The following ADH7 variants were observed in gnomAD, a reference collection of about 807,000 sequenced individuals.
The protein encoded by ADH7 is alcohol dehydrogenase 7 (class IV), mu or sigma polypeptide, also known as all-trans-retinol dehydrogenase [NAD(+)] ADH7.
ADH7 carries 41 observed loss-of-function variants against 34.4 expected under a neutral mutation model. The observed-to-expected ratio is 1.19, with a 90% CI of 0.93 to 1.55. ADH7 has a LOEUF of 1.55. ADH7 is among the 40% of genes most tolerant of loss of function. The pLI, the probability that ADH7 is intolerant of heterozygous loss-of-function variation, is 0.00. For missense variants in ADH7, 540 were observed against 461.2 expected, an observed-to-expected ratio of 1.17 and a Z score of -1.56; for synonymous variants, 180 against 160.9, an observed-to-expected ratio of 1.12 and a Z score of -0.90.
intron 5 of ADH7, among the ~76,000 whole-genome samples, chr4:99,425,008 G>A (rs1215440745): frequency 1.3e-5 from 2 of 151,988 alleles, no homozygotes; most frequent in Non-Finnish European, 2.9e-5. Flanking sequence ...CATTGGCTGT[G>A]GATTTGTCAT....
Position 99,429,582 on chromosome 4 carries a change from T to C in ADH7, c.70A>G (p.Ile24Val), listed in dbSNP as rs1164490883. ...VLWEQKQPFS[I>V]EEIEVAPPKT... is the part of the protein sequence containing the mutation. The stretch of plus-strand genomic sequence containing the variant: ...GGTGGGGCAACTTCTATTTCCTCAA[T>C]GGAGAAGGGTTGCTTCTGCTCCCAA... Residue 24 changes from isoleucine to valine, a missense_variant, in exon 2 of 9, where the codon ATT becomes GTT. Coordinates refer to ENST00000437033, the MANE Select transcript of ADH7 (RefSeq NM_000673.7). 5 of 1,612,430 alleles carry C rather than the reference T, an allele frequency of 3.1e-6. No homozygotes were observed. Among genetic ancestry groups the C allele is most frequent in the African/African-American group, 1.3e-5 (1 of 74,906 alleles).
chr4:99,434,934 C>G (rs772138720), intron 1 of ADH7: 2 of 1,167,004 alleles, frequency 1.7e-6, no homozygotes, highest in Non-Finnish European at 2.4e-6. Flanking sequence ...CCCAGCTATC[C>G]GGAAATCAAA....
chr4:99,418,908 AG>A, intron 7 of ADH7, 77 bp downstream of exon 7: 1 of 1,531,348 alleles, frequency 6.5e-7, no homozygotes, highest in South Asian at 1.2e-5. Context: ...GAAAGGCCTG[AG>A]GAAACAGGCT....
intron 8 of ADH7, 43 bp from the exon 9 acceptor site, chr4:99,413,215 C>A (rs952501688): frequency 3.7e-6 from 6 of 1,603,844 alleles, no homozygotes; most frequent in African/African-American, 2.7e-5. Context: ...GTTTTCATAT[C>A]TTTCAAGAAA....
intron 1 of ADH7, among the ~76,000 whole-genome samples, chr4:99,431,216 G>A (rs1038746976): frequency 6.6e-6 from 1 of 152,212 alleles, no homozygotes; most frequent in Admixed American, 6.5e-5. Flanking sequence ...CAAAGGACAA[G>A]CCATGGGGAA....
At position 99,429,621 on chromosome 4, in the gene ADH7, T is replaced by A. The variant is rs775637839; in HGVS notation, c.31A>T (p.Lys11Ter). Residue 11 changes from lysine to a stop codon, truncating the protein, a stop_gained, in exon 2 of 9, where the codon AAA becomes TAA. Coordinates refer to ENST00000437033, the MANE Select transcript of ADH7 (RefSeq NM_000673.7). LOFTEE classifies it high-confidence loss of function. Reference protein sequence around the residue: MGTAGKVIKCKAAVLWEQKQP... With the variant: MGTAGKVIKC ...TTCTGCTCCCAAAGCACAGCTGCTT[T>A]GCATTTAATAACCTAAGAAATAGGC... 6 of 1,609,114 alleles carry A rather than the reference T, an allele frequency of 3.7e-6. No homozygotes were observed. Among genetic ancestry groups the A allele is most frequent in the Non-Finnish European group, 5.1e-6 (6 of 1,177,242 alleles).
Position 99,427,970 on chromosome 4 carries a change from G to C in ADH7, c.367C>G (p.Leu123Val), listed in dbSNP as rs1441736095. 4 of 1,613,818 alleles carry C rather than the reference G, an allele frequency of 2.5e-6. No homozygotes were observed. The East Asian group carries it at 8.9e-5, about 36-fold the overall frequency. The change falls in exon 5 of 9, where the codon CTG becomes GTG. Residue 123 changes from leucine to valine, a missense_variant. Physicochemically the swap from Leu to Val is conservative, Grantham distance 32. Transcript: ENST00000437033. ...GTAAATCTGGTGGTGCCATCAGCCA[G>C]TACTCCACGACCAGTAATACTGTTT... The part of the protein sequence containing the change: ...IRSDITGRGV[L>V]ADGTTRFTCK...
At position 99,428,105 on chromosome 4, in the gene ADH7, T is replaced by A; in HGVS notation, c.329A>T (p.Asn110Ile). 6.2e-7 allele frequency: 1 copy of A among 1,613,960 alleles called. No individual in the cohort carries two copies. The highest frequency in any genetic ancestry group is 8.5e-7 in the Non-Finnish European group (1 of 1,179,894). ...AACCTACTCGCTCCTAATGCAAAGG[T>A]TGCCATCTGGGTTGCGACAAGCATT... Reference protein sequence around the residue: ...ECNACRNPDGNLCIRSDITGR... With the variant: ...ECNACRNPDGILCIRSDITGR... Residue 110 changes from asparagine (N) to isoleucine (I), a missense_variant, in exon 4 of 9, where the codon AAC (asparagine) becomes ATC (isoleucine). By Grantham distance (149) the Asn-to-Ile change is moderately radical. Transcript: ENST00000437033.
chr4:99,418,627 A>T (rs894897031), intron 7 of ADH7, among the ~76,000 whole-genome samples: 8 of 152,114 alleles, frequency 5.3e-5, no homozygotes, highest in African/African-American at 1.9e-4. Flanking sequence ...TGTTGGTGCT[A>T]TTATGAATCG....
chr4:99,413,029 A>T lies in ADH7; in HGVS notation c.*119T>A. 1.8e-6 allele frequency: 2 copies of T among 1,099,170 alleles called. No individual in the cohort carries two copies. The highest frequency in any genetic ancestry group is 2.7e-6 in the Non-Finnish European group (2 of 737,122). 68.1% of individuals were successfully genotyped at this position (1,099,170 alleles called of 1,614,324 possible). A position where few individuals can be genotyped will look rare whatever the true frequency, so the allele number is the denominator to read the frequency against. On this transcript the variant is annotated 3_prime_UTR_variant, in exon 9 of 9. Transcript: ENST00000437033. Reference sequence around the variant, plus strand: ...TTCTTTATAAGGGTTCTATGTCTTCAACAAATCTTCTACTTATGCTTGTAT... The same window carrying T: ...TTCTTTATAAGGGTTCTATGTCTTCTACAAATCTTCTACTTATGCTTGTAT...
intron 1 of ADH7, among the ~76,000 whole-genome samples, chr4:99,431,131 A>C (rs1721930308): frequency 6.6e-6 from 1 of 152,182 alleles, no homozygotes; most frequent in South Asian, 2.1e-4. Flanking sequence ...CTATTTTATC[A>C]ATCAGTGAAG....
Position 99,419,081 on chromosome 4 carries a change from C to A in ADH7, c.866G>T (p.Ser289Ile). Residue 289 changes from serine to isoleucine, a missense_variant, in exon 7 of 9, where the codon AGC becomes ATC. Coordinates refer to ENST00000437033, the MANE Select transcript of ADH7 (RefSeq NM_000673.7). ...TGATGGAGGAACTCCTACAACCACG[C>A]TGGTCCCATAGTTCATGTGGCAGGA... ...LASCHMNYGT[S>I]VVVGVPPSAK... 6.2e-7 allele frequency: 1 copy of A among 1,613,826 alleles called. No individual in the cohort carries two copies. The highest frequency in any genetic ancestry group is 8.5e-7 in the Non-Finnish European group (1 of 1,179,858).
chr4:99,428,967 C>A (rs1359704238), intron 2 of ADH7, among the ~76,000 whole-genome samples: 2 of 152,112 alleles, frequency 1.3e-5, no homozygotes, highest in Non-Finnish European at 2.9e-5. Context: ...GCTCTCTTAA[C>A]AAAGAACAGA....
chr4:99,418,867 A>T, intron 7 of ADH7, 119 bp downstream of exon 7: 3 of 1,217,292 alleles, frequency 2.5e-6, no homozygotes, highest in Non-Finnish European at 3.4e-6. Context: ...TCACAGTTCC[A>T]TTTTAGATCA....
intron 5 of ADH7, among the ~76,000 whole-genome samples, chr4:99,423,844 T>C (rs1013196778): frequency 5.3e-5 from 8 of 152,156 alleles, no homozygotes; most frequent in African/African-American, 1.4e-4. Context: ...TTCACTCTGA[T>C]GGTAGTTTCT....
chr4:99,427,805 T>A lies in ADH7; in HGVS notation c.532A>T (p.Thr178Ser). 1.3e-6 allele frequency: 2 copies of A among 1,597,880 alleles called. No individual in the cohort carries two copies. Among genetic ancestry groups the A allele is most frequent in the Non-Finnish European group, 8.5e-7 (1 of 1,170,646 alleles). The stretch of plus-strand genomic sequence containing the variant: ...GTTTTAACAGCAGCGCCATATCCAG[T>A]GGAAAACCCACAGCCAATTAAACAG... Reference protein sequence around the residue: ...KVCLIGCGFSTGYGAAVKTGK... With the variant: ...KVCLIGCGFSSGYGAAVKTGK... Residue 178 changes from threonine to serine, a missense_variant, in exon 5 of 9, where the codon ACT becomes TCT. Physicochemically the swap from Thr to Ser is moderately conservative, Grantham distance 58. Transcript: ENST00000437033.
At chr4:99,428,668 A>C (rs760919003) in intron 2 of ADH7, 38 bp from the exon 3 acceptor site, 2 of 1,593,806 alleles carry the variant, frequency 1.3e-6, no homozygotes, top group Non-Finnish European at 1.7e-6. Context: ...CAATCAACAA[A>C]CTGATCATTT....
At position 99,427,956 on chromosome 4, in the gene ADH7, G is replaced by A. The variant is rs1005770016; in HGVS notation, c.381C>T (p.Thr127=). The A allele has an allele frequency of 6.2e-7, 1 of 1,613,872 alleles. No individual in the cohort carries two copies. Among genetic ancestry groups the A allele is most frequent in the East Asian group, 2.2e-5 (1 of 44,884 alleles). Residue 127 remains threonine (T), a synonymous_variant, in exon 5 of 9, where the codon ACC becomes ACT. Coordinates refer to ENST00000437033, the MANE Select transcript of ADH7 (RefSeq NM_000673.7). The part of the protein sequence containing the change: ...ITGRGVLADG[T]TRFTCKGKPV... ...GTTTGCCCTTGCATGTAAATCTGGTGGTGCCATCAGCCAGTACTCCACGAC... is the reference window on the plus strand; with the variant it reads ...GTTTGCCCTTGCATGTAAATCTGGTAGTGCCATCAGCCAGTACTCCACGAC...
chr4:99,427,885 A>T lies in ADH7; in HGVS notation c.452T>A (p.Val151Glu). Reference protein sequence around the residue: ...MNTSTFTEYTVVDESSVAKID... With the variant: ...MNTSTFTEYTEVDESSVAKID... ...CTTAGCAACAGAAGATTCATCCACC[A>T]CTGTGTACTCGGTAAATGTACTGGT... Residue 151 changes from valine (V) to glutamate (E), a missense_variant, in exon 5 of 9, where the codon GTG becomes GAG. Val to Glu is a moderately radical substitution (Grantham distance 121). Coordinates refer to ENST00000437033, the MANE Select transcript of ADH7 (RefSeq NM_000673.7). The T allele has an allele frequency of 6.2e-7, 1 of 1,613,830 alleles. No homozygotes were observed. The highest frequency in any genetic ancestry group is 8.5e-7 in the Non-Finnish European group (1 of 1,179,906).
Sources: allele counts gnomAD v4.1 joint callset (sites outside exome capture counted in the v4.1 genomes callset), GRCh38; gene constraint gnomAD v4.1.1; transcripts MANE v1.5; gene names NCBI Gene and HGNC (gene_info 2026-07-23, HGNC 2026-07-21).